Variants in UMAD1 observed in about 807,000 individuals in gnomAD.
The protein encoded by UMAD1 is UBAP1-MVB12-associated (UMA)-domain containing protein 1.
UMAD1 carries 8 observed loss-of-function variants against 6.1 expected under a neutral mutation model. The observed-to-expected ratio is 1.30, with a 90% CI of 0.76 to 2.35. The LOEUF is 2.35. Among genes scored for constraint, UMAD1 ranks in the 30% most tolerant of loss-of-function variants. UMAD1 has a pLI of 0.00. For synonymous variants in UMAD1, 56 were observed against 31.4 expected, an observed-to-expected ratio of 1.78 and a Z score of -2.61; for missense variants, 130 against 78.4, an observed-to-expected ratio of 1.66 and a Z score of -2.49.
chr7:7,812,593 C>G (rs1296144953), intron 3 of UMAD1, among the ~76,000 whole-genome samples: 1 of 152,092 alleles, frequency 6.6e-6, no homozygotes, highest in East Asian at 1.9e-4. Flanking sequence ...TGTGGAAATA[C>G]TAGCTTTTTG....
rs535699253 is a variant in UMAD1 at position 7,721,235 on chromosome 7, C to T, written c.82+47782C>T. ...AAATTTCTGTTGTGTTAAGCCACCA[C>T]GTTTGTACCATTTTGCTATGGCAGC... On this transcript the variant is annotated intron_variant, in intron 2 of 3. Coordinates refer to ENST00000682710, the MANE Select transcript of UMAD1 (RefSeq NM_001302348.2). Among the ~76,000 whole-genome samples, 15 of 152,296 alleles carry T rather than the reference C, an allele frequency of 9.8e-5. No individual in the cohort carries two copies. In the East Asian group the frequency reaches 2.3e-3, roughly 23 times the overall value.
chr7:7,721,586 T>C (rs1231892551), intron 2 of UMAD1, among the ~76,000 whole-genome samples: 1 of 152,210 alleles, frequency 6.6e-6, no homozygotes, highest in East Asian at 1.9e-4. Flanking sequence ...GCAGGAACTG[T>C]CACTTTTATG....
chr7:7,865,626 A>T (rs963298389), intron 3 of UMAD1, among the ~76,000 whole-genome samples: 1 of 152,200 alleles, frequency 6.6e-6, no homozygotes, highest in Non-Finnish European at 1.5e-5. Context: ...CCTCCTTTGC[A>T]GCTCTCATCT....
At chr7:7,827,143 A>ATG (rs1360833680) in intron 3 of UMAD1, among the ~76,000 whole-genome samples, 1,762 of 135,122 alleles carry the variant, frequency 0.013, 25 homozygotes, top group Middle Eastern at 0.038. Context: ...ATATATATAT[A>ATG]TATATGTGTG....
intron 3 of UMAD1, among the ~76,000 whole-genome samples, chr7:7,864,952 A>G (rs36060210): frequency 0.49 from 74,816 of 151,974 alleles, 19,139 homozygotes; most frequent in African/African-American, 0.59. Flanking sequence ...GTGGGTTCCA[A>G]GAGTTTCTGG....
At chr7:7,702,704 A>G (rs752468380) in intron 2 of UMAD1, among the ~76,000 whole-genome samples, 1 of 152,158 alleles carries the variant, frequency 6.6e-6, no homozygotes, top group Non-Finnish European at 1.5e-5. Flanking sequence ...TTACTTTTCC[A>G]CTGACATCTA....
At chr7:7,676,698 G>GT (rs1289325586) in intron 2 of UMAD1, among the ~76,000 whole-genome samples, 1 of 151,914 alleles carries the variant, frequency 6.6e-6, no homozygotes, top group African/African-American at 2.4e-5. Flanking sequence ...TAGTTTAAAT[G>GT]TTTTTAAAAT....
intron 2 of UMAD1, among the ~76,000 whole-genome samples, chr7:7,779,491 G>A (rs912950874): frequency 6.6e-6 from 1 of 152,008 alleles, no homozygotes; most frequent in Admixed American, 6.5e-5. Context: ...GTCTGGTCTC[G>A]AAATCTTGGC....
intron 2 of UMAD1, among the ~76,000 whole-genome samples, chr7:7,778,224 TTTTGTG>T (rs1303061671): frequency 8.3e-6 from 1 of 120,876 alleles, no homozygotes. Flanking sequence ...CCAAAACTGG[TTTTGTG>T]TGTGTGTGTG....
intron 2 of UMAD1, among the ~76,000 whole-genome samples, chr7:7,706,127 G>T (rs1332422657): frequency 6.6e-6 from 1 of 152,124 alleles, no homozygotes; most frequent in Non-Finnish European, 1.5e-5. Context: ...AAAGAAAGTA[G>T]ATTATCTCAA....
chr7:7,836,466 C>T (rs1212131904), intron 3 of UMAD1, among the ~76,000 whole-genome samples: 6 of 151,554 alleles, frequency 4.0e-5, no homozygotes, highest in African/African-American at 1.5e-4. Flanking sequence ...TTTTTTATAC[C>T]TTTGAAGTTT....
chr7:7,857,685 A>C (rs1379743250), intron 3 of UMAD1, among the ~76,000 whole-genome samples: 1 of 152,246 alleles, frequency 6.6e-6, no homozygotes, highest in African/African-American at 2.4e-5. Flanking sequence ...GGATTAAAAT[A>C]GTCCAAACAG....
At chr7:7,666,103 C>G (rs1241501006) in intron 1 of UMAD1, among the ~76,000 whole-genome samples, 1 of 152,138 alleles carries the variant, frequency 6.6e-6, no homozygotes, top group East Asian at 1.9e-4. Context: ...GTGGCTGTAC[C>G]ATATTACCCT....
chr7:7,846,091 G>T (rs542806238), intron 3 of UMAD1, among the ~76,000 whole-genome samples: 13 of 152,208 alleles, frequency 8.5e-5, no homozygotes, highest in Admixed American at 7.9e-4. Flanking sequence ...GTAGTGCTGC[G>T]TGATGTATGA....
intron 2 of UMAD1, among the ~76,000 whole-genome samples, chr7:7,775,672 T>C (rs561506425): frequency 1.3e-5 from 2 of 152,316 alleles, no homozygotes; most frequent in South Asian, 2.1e-4. Context: ...GATGAGGATA[T>C]GGAGAAATTG....
chr7:7,756,400 A>G (rs1233083787), intron 2 of UMAD1, among the ~76,000 whole-genome samples: 1 of 152,220 alleles, frequency 6.6e-6, no homozygotes, highest in Non-Finnish European at 1.5e-5. Flanking sequence ...CCTGGCTTAA[A>G]TGAAAAAGGG....
rs1183564406 is a variant in UMAD1, at chr7:7,708,606, T to TG, written c.82+35153_82+35154insG. On this transcript the variant is annotated intron_variant, in intron 2 of 3. Coordinates refer to ENST00000682710, the MANE Select transcript of UMAD1 (RefSeq NM_001302348.2). ...AAAATAAGTCAACATATTTGTCCTT[T>TG]TGGGACAGACCTCAAAAATAGAAGC... 6.6e-5 allele frequency among the ~76,000 whole-genome samples: 10 copies of TG among 152,290 alleles called. 1 individual carries two copies. Among genetic ancestry groups the TG allele is most frequent in the African/African-American group, 2.4e-4 (10 of 41,582 alleles).
rs181323613 is a variant in UMAD1 at position 7,662,034 on chromosome 7, C to G, written c.-63-11275C>G. Among the ~76,000 whole-genome samples, 1,027 of 152,298 alleles carry G rather than the reference C, an allele frequency of 6.7e-3. 8 individuals are homozygous for G. Among genetic ancestry groups the G allele is most frequent in the African/African-American group, 0.023 (967 of 41,540 alleles). ...GAGAGGAGGAATCTAGAGAGGCAGT[C>G]TGGCTACAGCGGCTTTGCTGAGCTG... On this transcript the variant is annotated intron_variant, in intron 1 of 3. Coordinates refer to ENST00000682710, the MANE Select transcript of UMAD1 (RefSeq NM_001302348.2).
intron 3 of UMAD1, among the ~76,000 whole-genome samples, chr7:7,840,947 G>C (rs190509392): frequency 1.3e-5 from 2 of 152,326 alleles, no homozygotes; most frequent in African/African-American, 4.8e-5. Context: ...CAGGTTAGGA[G>C]TTGGGTACCT....
Sources: allele counts gnomAD v4.1 joint callset (sites outside exome capture counted in the v4.1 genomes callset), GRCh38; gene constraint gnomAD v4.1.1; transcripts MANE v1.5; gene names NCBI Gene and HGNC (gene_info 2026-07-23, HGNC 2026-07-21).